The following C1QTNF6 variants were observed in gnomAD, a reference collection of about 807,000 sequenced individuals.
The protein encoded by C1QTNF6 is complement C1q tumor necrosis factor-related protein 6.
Under a neutral mutation model 20.7 loss-of-function variants are expected in C1QTNF6, and 17 were observed. The ratio of observed to expected loss-of-function variants is 0.82; its 90% CI spans 0.56 to 1.23. C1QTNF6 has a LOEUF of 1.23. Ranked by LOEUF, C1QTNF6 falls within the 50% of genes most tolerant of loss-of-function variation. C1QTNF6 has a pLI of 0.00. For synonymous variants in C1QTNF6, 130 were observed against 156.3 expected (o/e 0.83, Z 1.25); for missense variants, 329 against 389.7 (o/e 0.84, Z 1.31).
chr22:37,182,853 T>A (rs1458367793), intron 2 of C1QTNF6, 118 bp from the exon 3 acceptor site: 1 of 1,448,508 alleles, frequency 6.9e-7, no homozygotes, highest in Non-Finnish European at 9.1e-7. Flanking sequence ...AGCCAGCATT[T>A]ATTTAGCACC....
rs1401188891 is a variant in C1QTNF6, at chr22:37,181,708, G to A, written c.*480C>T. 6.4e-6 allele frequency: 1 copy of A among 156,966 alleles called. No individual in the cohort carries two copies. Among genetic ancestry groups the A allele is most frequent in the Non-Finnish European group, 1.4e-5 (1 of 71,380 alleles). 9.7% of individuals were successfully genotyped at this position (156,966 alleles called of 1,614,324 possible). A position where few individuals can be genotyped will look rare whatever the true frequency, so the allele number is the denominator to read the frequency against. ...GTCTCAAGAAAAAAAAATGTTGGGA[G>A]AATTCTAGAATGTGGGGAGGATTCC... is the stretch of plus-strand genomic sequence containing the variant. On this transcript the variant is annotated 3_prime_UTR_variant, in exon 3 of 3. Coordinates refer to ENST00000337843, the MANE Select transcript of C1QTNF6 (RefSeq NM_031910.4).
Position 37,182,584 on chromosome 22 carries a change from T to C in C1QTNF6, c.441A>G (p.Ser147=). Residue 147 remains serine, a synonymous_variant, in exon 3 of 3, where the codon TCA becomes TCG. Coordinates refer to ENST00000337843, the MANE Select transcript of C1QTNF6 (RefSeq NM_031910.4). ...TGTGCAGGGCCGTCTTGCGGCCCACTGAGAAGGCGAAGAAGCGCTTCTGGC... is the reference window on the plus strand; with the variant it reads ...TGTGCAGGGCCGTCTTGCGGCCCACCGAGAAGGCGAAGAAGCGCTTCTGGC... ...APCQKRFFAF[S]VGRKTALHSG... 6.2e-7 allele frequency: 1 copy of C among 1,614,058 alleles called. No individual in the cohort carries two copies. Among genetic ancestry groups the C allele is most frequent in the African/African-American group, 1.3e-5 (1 of 75,076 alleles).
chr22:37,186,505 G>A (rs1385307038), intron 1 of C1QTNF6, among the ~76,000 whole-genome samples: 1 of 152,202 alleles, frequency 6.6e-6, no homozygotes, highest in African/African-American at 2.4e-5. Flanking sequence ...AGGACTAGGA[G>A]GTATAAAAAA....
upstream of C1QTNF6, among the ~76,000 whole-genome samples, chr22:37,188,712 C>T (rs142359146): frequency 2.6e-5 from 4 of 152,342 alleles, no homozygotes; most frequent in African/African-American, 4.8e-5. Flanking sequence ...ACAGTCGCGT[C>T]GCCTCTCAGA....
At chr22:37,188,323 G>A (rs1387580950), upstream of C1QTNF6, 4 of 856,350 alleles carry the variant, frequency 4.7e-6, no homozygotes, top group South Asian at 2.2e-5. Flanking sequence ...GAGGGCGGAG[G>A]GAGGGCGGAG....
chr22:37,185,540 C>T (rs1924250752), intron 1 of C1QTNF6, 85 bp from the exon 2 acceptor site: 5 of 1,443,030 alleles, frequency 3.5e-6, no homozygotes, highest in Non-Finnish European at 4.5e-6. Context: ...GTGCTGCGTC[C>T]TCCAGCCACA....
chr22:37,193,291 T>C (rs1924926114), intron 2 of C1QTNF6, among the ~76,000 whole-genome samples: 3 of 152,048 alleles, frequency 2.0e-5, no homozygotes, highest in Admixed American at 6.5e-5. Flanking sequence ...ATTTTGAGAG[T>C]GGTCTATCTG....
At chr22:37,196,366 G>C (rs1220145245) in intron 1 of C1QTNF6, 2 of 152,138 alleles carry the variant, frequency 1.3e-5, no homozygotes, top group African/African-American at 4.8e-5. Context: ...GGCTTCCTGG[G>C]GCCCGAGACT....
intron 1 of C1QTNF6, chr22:37,186,182 A>G (rs1330618614): frequency 1.0e-6 from 1 of 972,710 alleles, no homozygotes; most frequent in African/African-American, 1.8e-5. Flanking sequence ...TGGGTCCTTG[A>G]CTGCAGCCCA....
chr22:37,193,966 T>C (rs1924977670), intron 2 of C1QTNF6, among the ~76,000 whole-genome samples: 1 of 152,222 alleles, frequency 6.6e-6, no homozygotes. Flanking sequence ...AGTTTCTGTT[T>C]TCCTTCCTGG....
Position 37,184,440 on chromosome 22 carries a change from A to G in C1QTNF6, c.289+778T>C, listed in dbSNP as rs1924090361. On this transcript the variant is annotated intron_variant, in intron 2 of 2. Transcript: ENST00000337843. The surrounding 1 kb of genome is among the most constrained non-coding windows in gnomAD (Gnocchi z 4.0). ...AGGGAAGCGAGTCCTTCCACGTCCT[A>G]TTGAGAGAGCGGGTAGCCAGCCCGC... 4 of 716,902 alleles carry G rather than the reference A, an allele frequency of 5.6e-6. No individual in the cohort carries two copies. In the East Asian group the frequency reaches 1.1e-4, roughly 19 times the overall value. 44.4% of individuals were successfully genotyped at this position (716,902 alleles called of 1,614,324 possible).
chr22:37,184,486 G>A lies in C1QTNF6; in HGVS notation c.289+732C>T. On this transcript the variant is annotated intron_variant, in intron 2 of 2. Transcript: ENST00000337843. The surrounding 1 kb of genome is among the most constrained non-coding windows in gnomAD (Gnocchi z 4.0). ...CCCGCACCTGGACGGCCCTCACCTGGATGCCTTTCACCTGGACGGGCCCTC... is the reference window on the plus strand; with the variant it reads ...CCCGCACCTGGACGGCCCTCACCTGAATGCCTTTCACCTGGACGGGCCCTC... The A allele has an allele frequency of 1.4e-6, 1 of 715,438 alleles. No homozygotes were observed. Among genetic ancestry groups the A allele is most frequent in the Admixed American group, 2.0e-5 (1 of 50,000 alleles). The allele number at this position is 715,438 out of a possible 1,614,324, so 44.3% of individuals were successfully genotyped here.
chr22:37,187,594 G>C (rs984531393), intron 1 of C1QTNF6, among the ~76,000 whole-genome samples: 1 of 150,204 alleles, frequency 6.7e-6, no homozygotes, highest in Non-Finnish European at 1.5e-5. Flanking sequence ...AAAAAAGTGT[G>C]CTTTGACTTC....
chr22:37,191,493 T>C (rs1313404027), upstream of C1QTNF6, among the ~76,000 whole-genome samples: 1 of 152,144 alleles, frequency 6.6e-6, no homozygotes, highest in Non-Finnish European at 1.5e-5. Context: ...ACCTAATATC[T>C]AAAGGACTAA....
chr22:37,181,063 G>C lies in C1QTNF6; in HGVS notation c.*1125C>G, dbSNP rs552409285. 1 of 152,590 alleles carries C rather than the reference G, an allele frequency of 6.6e-6. No homozygotes were observed. Among genetic ancestry groups the C allele is most frequent in the African/African-American group, 2.4e-5 (1 of 41,454 alleles). The allele number at this position is 152,590 out of a possible 1,614,324, so 9.5% of individuals were successfully genotyped here. On this transcript the variant is annotated 3_prime_UTR_variant, in exon 3 of 3. Coordinates refer to ENST00000337843, the MANE Select transcript of C1QTNF6 (RefSeq NM_031910.4). ...TACCTGCCCCTGCCACCGGGACCCC[G>C]TCCCACCAGCCTTGGGGAGCAGTGG...
At position 37,185,462 on chromosome 22, in the gene C1QTNF6, CAAGG is replaced by C. The variant is rs1010446951; in HGVS notation, c.52-11_52-8del. The stretch of plus-strand genomic sequence containing the variant: ...CGGCTGTCCCCATGGTGACCTGGAA[CAAGG>C]AAGGAGGGACAGGAACTATACTTCA... On this transcript the variant is annotated splice_polypyrimidine_tract_variant and splice_region_variant and intron_variant, in intron 1 of 2. Transcript: ENST00000337843. 16 of 1,591,726 alleles carry C rather than the reference CAAGG, an allele frequency of 1.0e-5. No homozygotes were observed. Among genetic ancestry groups the C allele is most frequent in the African/African-American group, 2.7e-5 (2 of 74,270 alleles).
In C1QTNF6 at chr22:37,185,239, T is replaced by C. The variant is rs140874536; in HGVS notation, c.268A>G (p.Ile90Val). The change falls in exon 2 of 3, where the codon ATT (isoleucine) becomes GTT (valine). Residue 90 changes from isoleucine to valine, a missense_variant. Physicochemically the swap from Ile to Val is conservative, Grantham distance 29. Coordinates refer to ENST00000337843, the MANE Select transcript of C1QTNF6 (RefSeq NM_031910.4). The part of the protein sequence containing the change: ...PHALPEIRPY[I>V]NITILKGDKG... ...TCACCCTTCAGGATGGTGATATTAA[T>C]GTAGGGTCTGATCTCAGGCAGGGCG... The C allele has an allele frequency of 1.4e-4, 218 of 1,579,370 alleles. No homozygotes were observed. The Middle Eastern group carries it at 1.5e-3, about 11-fold the overall frequency.
chr22:37,185,160 C>T, intron 2 of C1QTNF6, 58 bp downstream of exon 2: 1 of 1,502,056 alleles, frequency 6.7e-7, no homozygotes, highest in Non-Finnish European at 8.9e-7. Flanking sequence ...TCTACTCCCT[C>T]CACCTCAGCT....
intron 1 of C1QTNF6, 186 bp from the exon 2 acceptor site, chr22:37,185,641 G>C: frequency 7.7e-7 from 1 of 1,300,470 alleles, no homozygotes; most frequent in Non-Finnish European, 9.8e-7. Flanking sequence ...AGTTCCCCAA[G>C]ATCGGGAGGA....
Sources: gnomAD v4.1 joint callset for allele counts (sites outside exome capture counted in the v4.1 genomes callset) on GRCh38, gnomAD v4.1.1 for gene constraint, Gnocchi (gnomAD v3.1) non-coding constraint, MANE v1.5 for transcripts, NCBI Gene and HGNC (gene_info 2026-07-23, HGNC 2026-07-21) for gene names.